Variants in SPIRE1 observed in about 807,000 individuals in gnomAD.
SPIRE1 encodes protein spire homolog 1.
A neutral mutation model predicts 94.1 loss-of-function variants in SPIRE1; 40 were observed. That is an observed-to-expected ratio of 0.43 (90% CI 0.33 to 0.55). The LOEUF (loss-of-function observed/expected upper bound fraction) is 0.55, where lower values mean the gene tolerates loss of function less well. Ranked by LOEUF, SPIRE1 falls within the 20% of genes least tolerant of loss-of-function variation. The pLI is 0.06. For synonymous variants in SPIRE1, 376 were observed against 371.7 expected, an observed-to-expected ratio of 1.01 and a Z score of -0.13; for missense variants, 838 against 975.2, an observed-to-expected ratio of 0.86 and a Z score of 1.87.
rs1474336688 is a variant in SPIRE1 at position 12,630,039 on chromosome 18, CATA to C, written c.372+5020_372+5022del. 3.3e-5 allele frequency among the ~76,000 whole-genome samples: 5 copies of C among 152,186 alleles called. No homozygotes were observed. The East Asian group carries it at 9.6e-4, about 29-fold the overall frequency. On this transcript the variant is annotated intron_variant, in intron 2 of 16. Coordinates refer to ENST00000409402, the MANE Select transcript of SPIRE1 (RefSeq NM_001128626.2). The stretch of plus-strand genomic sequence containing the variant: ...GTGATTTCACTGCTTTCTCAGAACT[CATA>C]ATTTTTAATTTTTAAGAATATGGTA...
chr18:12,563,034 T>G (rs1466081462), intron 2 of SPIRE1, among the ~76,000 whole-genome samples: 1 of 152,166 alleles, frequency 6.6e-6, no homozygotes, highest in Admixed American at 6.5e-5. Flanking sequence ...ATCTGTGTTT[T>G]CTATTGGTGA....
intron 2 of SPIRE1, among the ~76,000 whole-genome samples, chr18:12,620,533 G>C (rs140582682): frequency 6.6e-6 from 1 of 152,150 alleles, no homozygotes; most frequent in Non-Finnish European, 1.5e-5. Flanking sequence ...TTTTCAATCA[G>C]GGTGATAATA....
intron 1 of SPIRE1, among the ~76,000 whole-genome samples, chr18:12,637,721 A>C (rs2037972907): frequency 6.6e-6 from 1 of 152,208 alleles, no homozygotes; most frequent in Non-Finnish European, 1.5e-5. Context: ...CCTTCAACAG[A>C]ATCAGGATTC....
intron 2 of SPIRE1, among the ~76,000 whole-genome samples, chr18:12,606,909 C>T (rs1293941322): frequency 6.6e-6 from 1 of 152,142 alleles, no homozygotes; most frequent in East Asian, 1.9e-4. Context: ...TACTCTTATA[C>T]CTGCTGAACA....
At chr18:12,568,885 C>T (rs955764248) in intron 2 of SPIRE1, among the ~76,000 whole-genome samples, 28 of 92,434 alleles carry the variant, frequency 3.0e-4, no homozygotes, top group African/African-American at 7.8e-4. Context: ...AGTGGTGATC[C>T]AGCGTGATCC....
At chr18:12,503,470 CG>C (rs1328123998) in intron 6 of SPIRE1, among the ~76,000 whole-genome samples, 2 of 152,148 alleles carry the variant, frequency 1.3e-5, no homozygotes, top group African/African-American at 4.8e-5. Context: ...CGAGGCTGCA[CG>C]GGTTCGGTCC....
intron 2 of SPIRE1, among the ~76,000 whole-genome samples, chr18:12,552,450 A>G (rs1323566723): frequency 6.6e-6 from 1 of 152,184 alleles, no homozygotes; most frequent in Non-Finnish European, 1.5e-5. Context: ...TACCAGCTTC[A>G]GCCACAGTAA....
At chr18:12,558,709 C>T (rs931265805) in intron 2 of SPIRE1, among the ~76,000 whole-genome samples, 16 of 152,184 alleles carry the variant, frequency 1.1e-4, no homozygotes, top group Admixed American at 5.2e-4. Flanking sequence ...TCGCCAAGTC[C>T]GCACCAGATT....
chr18:12,628,855 T>C (rs2037702196), intron 2 of SPIRE1, among the ~76,000 whole-genome samples: 1 of 152,146 alleles, frequency 6.6e-6, no homozygotes, highest in South Asian at 2.1e-4. Flanking sequence ...CTGTCTGTTA[T>C]TAGTGTACAG....
At chr18:12,557,739 C>A (rs754865431) in intron 2 of SPIRE1, among the ~76,000 whole-genome samples, 69 of 150,598 alleles carry the variant, frequency 4.6e-4, no homozygotes, top group Non-Finnish European at 8.4e-4. Context: ...TATAAAATAC[C>A]ACAAATATAC....
chr18:12,471,736 T>C (rs2032369105), intron 10 of SPIRE1, among the ~76,000 whole-genome samples: 1 of 152,232 alleles, frequency 6.6e-6, no homozygotes, highest in Non-Finnish European at 1.5e-5. Context: ...AACTTTATCA[T>C]TTACTAACTC....
intron 16 of SPIRE1, chr18:12,450,571 CAAG>C (rs2031183332): frequency 3.7e-6 from 2 of 542,692 alleles, no homozygotes; most frequent in East Asian, 6.3e-5. Flanking sequence ...CAGAATTTTC[CAAG>C]AAGTGCTCTG....
At chr18:12,622,421 C>CT (rs71371281) in intron 2 of SPIRE1, among the ~76,000 whole-genome samples, 1,432 of 114,798 alleles carry the variant, frequency 0.012, 68 homozygotes, top group African/African-American at 0.035. Context: ...TATGTCCAGT[C>CT]TTTTTTTTTT....
chr18:12,479,905 G>C, intron 9 of SPIRE1, 34 bp from the exon 10 acceptor site: 1 of 1,590,734 alleles, frequency 6.3e-7, no homozygotes, highest in Admixed American at 1.7e-5. Context: ...CTTTTCTTGA[G>C]CCAAGAAAGG....
At chr18:12,454,222 A>G in intron 13 of SPIRE1, 124 bp downstream of exon 13, 1 of 1,116,238 alleles carries the variant, frequency 9.0e-7, no homozygotes, top group South Asian at 1.4e-5. Flanking sequence ...GGATATGAAC[A>G]TCACACATCC....
chr18:12,451,646 C>T (rs1173735860), intron 16 of SPIRE1, among the ~76,000 whole-genome samples: 1 of 152,210 alleles, frequency 6.6e-6, no homozygotes, highest in African/African-American at 2.4e-5. Context: ...AGAGCCAGGA[C>T]ATGTGGTTGG....
At chr18:12,469,931 T>C (rs1028176582) in intron 10 of SPIRE1, among the ~76,000 whole-genome samples, 1 of 151,534 alleles carries the variant, frequency 6.6e-6, no homozygotes, top group Admixed American at 6.6e-5. Context: ...CATATTAATT[T>C]TTATGTTCAT....
chr18:12,484,087 A>C (rs2032946821), intron 9 of SPIRE1, among the ~76,000 whole-genome samples: 1 of 152,204 alleles, frequency 6.6e-6, no homozygotes, highest in Non-Finnish European at 1.5e-5. Flanking sequence ...AGAACACACA[A>C]CATACCTATA....
At chr18:12,502,123 C>G (rs1429952156) in intron 6 of SPIRE1, among the ~76,000 whole-genome samples, 2 of 152,162 alleles carry the variant, frequency 1.3e-5, no homozygotes, top group South Asian at 2.1e-4. Flanking sequence ...TTCCTAGACT[C>G]TAGCTGAGGA....
Sources: gnomAD v4.1 joint callset for allele counts (sites outside exome capture counted in the v4.1 genomes callset) on GRCh38, gnomAD v4.1.1 for gene constraint, MANE v1.5 for transcripts, NCBI Gene and HGNC (gene_info 2026-07-23, HGNC 2026-07-21) for gene names.